Variants in PPP1R13B observed in about 807,000 individuals in gnomAD.
PPP1R13B encodes apoptosis-stimulating of p53 protein 1.
In PPP1R13B, 44 loss-of-function variants were observed where a neutral mutation model predicts 119.8. The ratio of observed to expected loss-of-function variants is 0.37; its 90% CI spans 0.29 to 0.47. The LOEUF is 0.47. PPP1R13B is among the 20% of genes least tolerant of loss of function. The probability of loss-of-function intolerance (pLI) is 0.99; values close to 1 mark genes in which losing one functional copy is unlikely to be tolerated. For missense variants in PPP1R13B, 1,227 were observed against 1,413.5 expected, an observed-to-expected ratio of 0.87 and a Z score of 2.12; for synonymous variants, 542 against 561.5, an observed-to-expected ratio of 0.97 and a Z score of 0.49.
At chr14:103,797,958 T>C (rs1402677972) in intron 1 of PPP1R13B, among the ~76,000 whole-genome samples, 1 of 152,022 alleles carries the variant, frequency 6.6e-6, no homozygotes, top group Admixed American at 6.6e-5. Flanking sequence ...ATACCATATA[T>C]CGTACACTAG....
At chr14:103,837,252 C>T (rs1280836054) in intron 1 of PPP1R13B, among the ~76,000 whole-genome samples, 2 of 152,164 alleles carry the variant, frequency 1.3e-5, no homozygotes, top group African/African-American at 4.8e-5. Flanking sequence ...AATCCAGAAC[C>T]CACTATGCTA....
chr14:103,766,883 A>C (rs2084951745), intron 4 of PPP1R13B, among the ~76,000 whole-genome samples: 1 of 152,214 alleles, frequency 6.6e-6, no homozygotes, highest in South Asian at 2.1e-4. Flanking sequence ...CAACAATTTC[A>C]CATAGTTCGA....
intron 4 of PPP1R13B, 21 bp downstream of exon 4, chr14:103,778,724 A>G (rs779270176): frequency 5.6e-6 from 9 of 1,602,320 alleles, no homozygotes; most frequent in Admixed American, 1.7e-5. Flanking sequence ...TTAAAATTCA[A>G]TTTAATTCAC....
rs539759940 is a variant in PPP1R13B at position 103,754,054 on chromosome 14, T to A, written c.631+16A>T. 2.0e-5 allele frequency: 33 copies of A among 1,609,786 alleles called. 1 individual carries two copies. In the Admixed American group the frequency reaches 4.4e-4, roughly 21 times the overall value. On this transcript the variant is annotated intron_variant, in intron 6 of 16. Coordinates refer to ENST00000202556, the MANE Select transcript of PPP1R13B (RefSeq NM_015316.3). ...CCTGGTGAGAGTGGTGTCGAGGGGG[T>A]GTTGCAGGCACGTACACAGATTGCC...
upstream of PPP1R13B, chr14:103,848,125 C>T: frequency 5.0e-6 from 3 of 598,784 alleles, no homozygotes; most frequent in Non-Finnish European, 6.3e-6. Flanking sequence ...CCCGGCCCGA[C>T]GCCCTTGGCT....
chr14:103,750,822 C>T (rs1325665576), intron 7 of PPP1R13B, among the ~76,000 whole-genome samples: 1 of 146,370 alleles, frequency 6.8e-6, no homozygotes, highest in Non-Finnish European at 1.5e-5. Flanking sequence ...CAGAGGCAGA[C>T]TCTGTCTCAA....
intron 4 of PPP1R13B, among the ~76,000 whole-genome samples, chr14:103,766,855 C>A (rs1450454296): frequency 6.6e-6 from 1 of 151,982 alleles, no homozygotes; most frequent in East Asian, 1.9e-4. Flanking sequence ...TCCGCCAGAT[C>A]AAAAAATGAT....
At chr14:103,822,826 A>G (rs957715458) in intron 1 of PPP1R13B, among the ~76,000 whole-genome samples, 2 of 152,166 alleles carry the variant, frequency 1.3e-5, no homozygotes, top group Non-Finnish European at 2.9e-5. Context: ...AAAAAAAAAA[A>G]GTATTTCCTA....
At chr14:103,770,159 C>T (rs1449490783) in intron 4 of PPP1R13B, among the ~76,000 whole-genome samples, 1 of 151,852 alleles carries the variant, frequency 6.6e-6, no homozygotes, top group Non-Finnish European at 1.5e-5. Flanking sequence ...TCCCAAAGTG[C>T]TGGGTTTACA....
chr14:103,844,036 G>A (rs142497762), intron 1 of PPP1R13B, among the ~76,000 whole-genome samples: 1,570 of 152,170 alleles, frequency 0.01, 25 homozygotes, highest in African/African-American at 0.036. Flanking sequence ...GGAGGCTGGG[G>A]CGGGCAGATC....
In PPP1R13B at chr14:103,737,771, A is replaced by G; in HGVS notation, c.2954T>C (p.Ile985Thr). ...GTCTGCAGCAGTTTCAATGTCGCTTATGGTTGAGGCAAAAATGGCGGCACC... is the reference window on the plus strand; with the variant it reads ...GTCTGCAGCAGTTTCAATGTCGCTTGTGGTTGAGGCAAAAATGGCGGCACC... ...ESGAAIFAST[I>T]SDIETAADKC... Residue 985 changes from isoleucine to threonine, a missense_variant, in exon 15 of 17, where the codon ATA becomes ACA. Physicochemically the swap from Ile to Thr is moderately conservative, Grantham distance 89. Coordinates refer to ENST00000202556, the MANE Select transcript of PPP1R13B (RefSeq NM_015316.3). 1 of 1,614,192 alleles carries G rather than the reference A, an allele frequency of 6.2e-7. No homozygotes were observed.
Position 103,740,379 on chromosome 14 carries a change from C to G in PPP1R13B, c.2037G>C (p.Val679=), listed in dbSNP as rs1394684569. The part of the protein sequence containing the change: ...PLSPTKLTPI[V]HSPLRYQSDA... The stretch of plus-strand genomic sequence containing the variant: ...CACTCTGGTAGCGCAGTGGCGAATG[C>G]ACGATGGGCGTGAGCTTGGTGGGGC... Residue 679 remains valine (V), a synonymous_variant, in exon 12 of 17, where the codon GTG becomes GTC. Coordinates refer to ENST00000202556, the MANE Select transcript of PPP1R13B (RefSeq NM_015316.3). The surrounding 1 kb of genome is among the most constrained non-coding windows in gnomAD (Gnocchi z 4.6). 6.4e-7 allele frequency: 1 copy of G among 1,569,048 alleles called. No individual in the cohort carries two copies. Among genetic ancestry groups the G allele is most frequent in the Non-Finnish European group, 8.7e-7 (1 of 1,155,094 alleles).
rs1255491884 is a variant in PPP1R13B, at chr14:103,844,680, G to T, written c.9+2619C>A. On this transcript the variant is annotated intron_variant, in intron 1 of 16. Transcript: ENST00000202556. ...GGAGGTGGAGGTTGCGGTGAGTCAA[G>T]ATCATGTTGCACTCCAGCCTGGGCA... Among the ~76,000 whole-genome samples the T allele has an allele frequency of 2.0e-5, 3 of 151,754 alleles. No homozygotes were observed. In the East Asian group the frequency reaches 5.8e-4, roughly 29 times the overall value.
chr14:103,742,053 T>G lies in PPP1R13B; in HGVS notation c.1559A>C (p.Gln520Pro). The change falls in exon 11 of 17, where the codon CAG becomes CCG. Residue 520 changes from glutamine (Q) to proline (P), a missense_variant. Physicochemically the swap from Gln to Pro is moderately conservative, Grantham distance 76. Transcript: ENST00000202556. The surrounding 1 kb of genome is among the most constrained non-coding windows in gnomAD (Gnocchi z 4.9). Reference protein sequence around the residue: ...PQPGSSQQIQQRISVPPSPTY... With the variant: ...PQPGSSQQIQPRISVPPSPTY... ...GGGACTTGGCGGTACGGAAATCCTC[T>G]GCTGAATCTGTTGTGAGGAGCCTGG... is the stretch of plus-strand genomic sequence containing the variant. 1 of 1,614,222 alleles carries G rather than the reference T, an allele frequency of 6.2e-7. No individual in the cohort carries two copies. The highest frequency in any genetic ancestry group is 8.5e-7 in the Non-Finnish European group (1 of 1,180,030).
intron 11 of PPP1R13B, among the ~76,000 whole-genome samples, 176 bp downstream of exon 11, chr14:103,741,614 T>G (rs1474324605): frequency 6.6e-6 from 1 of 152,236 alleles, no homozygotes; most frequent in Non-Finnish European, 1.5e-5. Context: ...GCCTCCTCCA[T>G]GCATTCCAGC....
At chr14:103,792,041 C>G (rs1346088049) in intron 2 of PPP1R13B, among the ~76,000 whole-genome samples, 1 of 152,098 alleles carries the variant, frequency 6.6e-6, no homozygotes, top group African/African-American at 2.4e-5. Flanking sequence ...TAAACTTTTA[C>G]ATTTATTAAA....
chr14:103,763,757 T>G (rs1180665817), intron 4 of PPP1R13B: 2 of 152,244 alleles, frequency 1.3e-5, no homozygotes, highest in Admixed American at 6.5e-5. Context: ...TGTTTTAGAA[T>G]GTTTCCATCT....
intron 1 of PPP1R13B, among the ~76,000 whole-genome samples, chr14:103,836,174 T>G (rs1468102615): frequency 6.6e-6 from 1 of 151,308 alleles, no homozygotes; most frequent in Non-Finnish European, 1.5e-5. Context: ...CCCTCCCAAA[T>G]AGCTGAGATT....
At chr14:103,768,863 C>G (rs1372626202) in intron 4 of PPP1R13B, among the ~76,000 whole-genome samples, 1 of 152,118 alleles carries the variant, frequency 6.6e-6, no homozygotes, top group Non-Finnish European at 1.5e-5. Flanking sequence ...GCCACCCTGC[C>G]CAGCTCTCAG....
Sources: gnomAD v4.1 joint callset for allele counts (sites outside exome capture counted in the v4.1 genomes callset) on GRCh38, gnomAD v4.1.1 for gene constraint, Gnocchi (gnomAD v3.1) non-coding constraint, MANE v1.5 for transcripts, NCBI Gene and HGNC (gene_info 2026-07-23, HGNC 2026-07-21) for gene names.